GSG1L: variants seen among roughly 807,000 people sequenced by gnomAD.
GSG1L encodes the protein GSG1 like, also known as germ cell-specific gene 1-like protein.
In GSG1L, 24 loss-of-function variants were observed where a neutral mutation model predicts 42.1. The observed-to-expected ratio is 0.57, with a 90% CI of 0.41 to 0.80. GSG1L has a LOEUF of 0.80. GSG1L is among the 30% of genes least tolerant of loss of function. The pLI is 0.00. For missense variants in GSG1L, 445 were observed against 472.2 expected (o/e 0.94, Z 0.53); for synonymous variants, 215 against 203.5 (o/e 1.06, Z -0.48).
At chr16:27,895,635 C>T (rs1307496481) in intron 2 of GSG1L, among the ~76,000 whole-genome samples, 1 of 152,180 alleles carries the variant, frequency 6.6e-6, no homozygotes, top group Non-Finnish European at 1.5e-5. Flanking sequence ...CTTTCTAAGC[C>T]AAGGGCATGG....
intron 2 of GSG1L, among the ~76,000 whole-genome samples, chr16:27,952,251 C>T (rs2084958189): frequency 6.6e-6 from 1 of 152,256 alleles, no homozygotes; most frequent in Non-Finnish European, 1.5e-5. Context: ...GTCGGGCACA[C>T]AGGCGCCACA....
At chr16:27,838,132 C>T (rs780703506) in intron 4 of GSG1L, among the ~76,000 whole-genome samples, 1 of 152,208 alleles carries the variant, frequency 6.6e-6, no homozygotes, top group Non-Finnish European at 1.5e-5. Context: ...TCCCAGAATG[C>T]CAGCTTCATG....
At chr16:28,062,881 G>T (rs2086358746) in intron 1 of GSG1L, among the ~76,000 whole-genome samples, 195 bp downstream of exon 1, 3 of 152,076 alleles carry the variant, frequency 2.0e-5, no homozygotes, top group African/African-American at 7.2e-5. Context: ...CGTCCCGCAC[G>T]TCCCCCCATG....
At chr16:27,968,039 C>A (rs2085154367) in intron 1 of GSG1L, among the ~76,000 whole-genome samples, 1 of 152,020 alleles carries the variant, frequency 6.6e-6, no homozygotes, top group Admixed American at 6.6e-5. Flanking sequence ...AAATTCAGAC[C>A]AACACCCGAG....
At chr16:27,941,173 C>T (rs2084789318) in intron 2 of GSG1L, among the ~76,000 whole-genome samples, 2 of 152,064 alleles carry the variant, frequency 1.3e-5, no homozygotes, top group Admixed American at 6.6e-5. Context: ...AAAATTAAAA[C>T]TTCTGCATCA....
intron 2 of GSG1L, among the ~76,000 whole-genome samples, chr16:27,954,599 C>T (rs1412806006): frequency 6.6e-6 from 1 of 152,056 alleles, no homozygotes; most frequent in Non-Finnish European, 1.5e-5. Context: ...CTGATCAGTG[C>T]AAGAGAAAAA....
intron 2 of GSG1L, among the ~76,000 whole-genome samples, chr16:27,942,916 G>T (rs60377832): frequency 6.6e-6 from 1 of 152,098 alleles, no homozygotes; most frequent in Non-Finnish European, 1.5e-5. Flanking sequence ...GGGTAGATGC[G>T]AAACCAGTGG....
intron 1 of GSG1L, among the ~76,000 whole-genome samples, chr16:28,016,804 T>C (rs1304454796): frequency 2.6e-5 from 4 of 152,196 alleles, no homozygotes; most frequent in Non-Finnish European, 5.9e-5. Flanking sequence ...GAAGGGGAGA[T>C]TGACGCTCAG....
intron 1 of GSG1L, among the ~76,000 whole-genome samples, chr16:28,021,520 G>A (rs1450657319): frequency 6.6e-6 from 1 of 152,072 alleles, no homozygotes; most frequent in African/African-American, 2.4e-5. Flanking sequence ...CTACGTTAAT[G>A]CATTCCGTCT....
rs930764285 is a variant in GSG1L, at chr16:27,845,072, G to A, written c.551-11C>T. 1.3e-6 allele frequency: 2 copies of A among 1,590,396 alleles called. No homozygotes were observed. Among genetic ancestry groups the A allele is most frequent in the Admixed American group, 1.7e-5 (1 of 59,750 alleles). ...CCATTCCCAGGAGGCCTGTGGGGCA[G>A]AGAGCAGAGCAAAGCGTCAGGAAGT... On this transcript the variant is annotated splice_polypyrimidine_tract_variant and intron_variant, in intron 3 of 6. Coordinates refer to ENST00000447459, the MANE Select transcript of GSG1L (RefSeq NM_001109763.2).
intron 2 of GSG1L, among the ~76,000 whole-genome samples, chr16:27,941,130 T>C (rs57969418): frequency 0.055 from 8,284 of 151,874 alleles, 767 homozygotes; most frequent in African/African-American, 0.19. Flanking sequence ...AGCACAGGCA[T>C]CAAAGGAAAA....
chr16:27,976,444 T>C (rs1167677638), intron 1 of GSG1L, among the ~76,000 whole-genome samples: 1 of 152,196 alleles, frequency 6.6e-6, no homozygotes, highest in Non-Finnish European at 1.5e-5. Flanking sequence ...AAGCAATTAA[T>C]AGTACTTCAT....
chr16:27,908,890 C>T (rs1241571021), intron 2 of GSG1L, among the ~76,000 whole-genome samples: 1 of 152,290 alleles, frequency 6.6e-6, no homozygotes, highest in East Asian at 1.9e-4. Context: ...CCACTGAGGG[C>T]TTCAGTAACC....
chr16:28,035,615 C>T (rs1322162552), intron 1 of GSG1L, among the ~76,000 whole-genome samples: 1 of 152,156 alleles, frequency 6.6e-6, no homozygotes, highest in African/African-American at 2.4e-5. Flanking sequence ...ATAATAGCCC[C>T]GACCTCCACA....
In GSG1L at chr16:27,804,073, A is replaced by AGATAGATAGAT. The variant is rs1487255165; in HGVS notation, c.898+3413_898+3414insATCTATCTATC. On this transcript the variant is annotated intron_variant, in intron 6 of 6. Coordinates refer to ENST00000447459, the MANE Select transcript of GSG1L (RefSeq NM_001109763.2). ...TAGATAGATAGATAGATAGATAGAT[A>AGATAGATAGAT]GATAGATAAAGAAATAGGGAGGGAC... is the stretch of plus-strand genomic sequence containing the variant. Among the ~76,000 whole-genome samples the AGATAGATAGAT allele has an allele frequency of 1.9e-4, 29 of 152,164 alleles. 1 individual carries two copies. Among genetic ancestry groups the AGATAGATAGAT allele is most frequent in the African/African-American group, 7.0e-4 (29 of 41,510 alleles).
At chr16:27,940,717 TG>T (rs2084782488) in intron 2 of GSG1L, among the ~76,000 whole-genome samples, 1 of 101,678 alleles carries the variant, frequency 9.8e-6, no homozygotes, top group African/African-American at 3.8e-5. Flanking sequence ...GTGGGGGGAG[TG>T]GGGAGGGATA....
chr16:28,022,815 G>A (rs1447947299), intron 1 of GSG1L, among the ~76,000 whole-genome samples: 3 of 152,124 alleles, frequency 2.0e-5, no homozygotes, highest in Middle Eastern at 3.2e-3. Context: ...CTACAGGCAT[G>A]CGCCACTGTG....
intron 1 of GSG1L, among the ~76,000 whole-genome samples, chr16:27,985,078 C>G (rs1394862096): frequency 6.6e-6 from 1 of 151,982 alleles, no homozygotes; most frequent in Non-Finnish European, 1.5e-5. Flanking sequence ...GATTTTTGCT[C>G]TTGCTCTTCC....
intron 3 of GSG1L, among the ~76,000 whole-genome samples, chr16:27,874,358 A>G (rs922892134): frequency 6.7e-6 from 1 of 150,356 alleles, no homozygotes; most frequent in Non-Finnish European, 1.5e-5. Flanking sequence ...TCATCTACAC[A>G]TCGACATGGC....
Sources: gnomAD v4.1 joint callset for allele counts (sites outside exome capture counted in the v4.1 genomes callset) on GRCh38, gnomAD v4.1.1 for gene constraint, MANE v1.5 for transcripts, NCBI Gene and HGNC (gene_info 2026-07-23, HGNC 2026-07-21) for gene names.